MEMO1: variants seen among roughly 807,000 people sequenced by gnomAD.
The protein encoded by MEMO1 is protein MEMO1.
Under a neutral mutation model 45.2 loss-of-function variants are expected in MEMO1, and 6 were observed. The observed-to-expected ratio is 0.13, with a 90% CI of 0.07 to 0.26. MEMO1 has a LOEUF of 0.26. MEMO1 is among the 10% of genes least tolerant of loss of function. MEMO1 has a pLI of 1.00. For missense variants in MEMO1, 184 were observed against 370.5 expected, an observed-to-expected ratio of 0.50 and a Z score of 4.13; for synonymous variants, 78 against 124.3, an observed-to-expected ratio of 0.63 and a Z score of 2.48.
At chr2:31,952,698 T>C (rs1387007817) in intron 2 of MEMO1, among the ~76,000 whole-genome samples, 1 of 152,186 alleles carries the variant, frequency 6.6e-6, no homozygotes, top group African/African-American at 2.4e-5. Context: ...GATCAAAATA[T>C]TTATTTTTGC....
chr2:31,902,811 G>T (rs914936311), intron 6 of MEMO1, among the ~76,000 whole-genome samples: 3 of 151,826 alleles, frequency 2.0e-5, no homozygotes, highest in Non-Finnish European at 4.4e-5. Flanking sequence ...GAGTGCATTG[G>T]TGCCATCACA....
At chr2:31,990,606 G>A (rs1001213404) in intron 2 of MEMO1, among the ~76,000 whole-genome samples, 8 of 133,830 alleles carry the variant, frequency 6.0e-5, no homozygotes, top group African/African-American at 1.4e-4. Flanking sequence ...GACAAATTTC[G>A]CCATGTTGCC....
chr2:31,931,310 A>G (rs1664138662), intron 4 of MEMO1, among the ~76,000 whole-genome samples: 1 of 152,198 alleles, frequency 6.6e-6, no homozygotes, highest in Non-Finnish European at 1.5e-5. Context: ...TTTCTTTTGA[A>G]TAACTATCCT....
At chr2:31,889,756 C>T (rs963479426) in intron 7 of MEMO1, among the ~76,000 whole-genome samples, 1 of 152,010 alleles carries the variant, frequency 6.6e-6, no homozygotes, top group Non-Finnish European at 1.5e-5. Flanking sequence ...TAGCACGGTG[C>T]TTTCCATAAG....
At chr2:31,936,253 C>T (rs571860065) in intron 3 of MEMO1, among the ~76,000 whole-genome samples, 6 of 152,284 alleles carry the variant, frequency 3.9e-5, no homozygotes, top group Admixed American at 3.3e-4. Flanking sequence ...TGAGCCACCG[C>T]GCCTGGCCTG....
At chr2:32,005,980 A>G (rs1273201996) in intron 2 of MEMO1, among the ~76,000 whole-genome samples, 1 of 152,240 alleles carries the variant, frequency 6.6e-6, no homozygotes, top group Non-Finnish European at 1.5e-5. Flanking sequence ...ATCCCAACAA[A>G]GAATATTTCA....
At chr2:31,871,094 G>C (rs1244319038) in intron 8 of MEMO1, among the ~76,000 whole-genome samples, 1 of 152,036 alleles carries the variant, frequency 6.6e-6, no homozygotes, top group Non-Finnish European at 1.5e-5. Flanking sequence ...CATTAATATA[G>C]AGCAACTTTA....
intron 2 of MEMO1, among the ~76,000 whole-genome samples, chr2:31,986,762 GAAA>G (rs1671310678): frequency 2.0e-5 from 3 of 152,062 alleles, no homozygotes; most frequent in Non-Finnish European, 4.4e-5. Flanking sequence ...CACTATAAAA[GAAA>G]CAAACAGAAA....
intron 2 of MEMO1, among the ~76,000 whole-genome samples, chr2:31,956,988 A>C (rs978929584): frequency 2.0e-5 from 3 of 152,082 alleles, no homozygotes; most frequent in Non-Finnish European, 2.9e-5. Flanking sequence ...CTAAAAATAC[A>C]AAAATTAACT....
intron 6 of MEMO1, among the ~76,000 whole-genome samples, chr2:31,901,908 C>CA (rs879646166): frequency 9.5e-4 from 124 of 130,046 alleles, no homozygotes; most frequent in South Asian, 1.7e-3. Context: ...GACTTCATCT[C>CA]AAAAAAAAAA....
intron 2 of MEMO1, among the ~76,000 whole-genome samples, chr2:31,978,305 T>C (rs1454010993): frequency 6.6e-6 from 1 of 152,028 alleles, no homozygotes; most frequent in Non-Finnish European, 1.5e-5. Context: ...GAGAATCACT[T>C]GAACCCAGGA....
At chr2:31,879,998 C>T (rs2147924565) in intron 8 of MEMO1, among the ~76,000 whole-genome samples, 1 of 152,276 alleles carries the variant, frequency 6.6e-6, no homozygotes, top group East Asian at 1.9e-4. Context: ...CCTAATTAAT[C>T]CCTAAAGTCC....
At chr2:31,904,191 T>G (rs1268435014) in intron 6 of MEMO1, among the ~76,000 whole-genome samples, 1 of 152,258 alleles carries the variant, frequency 6.6e-6, no homozygotes, top group Non-Finnish European at 1.5e-5. Context: ...AGGGCCTGTT[T>G]GTAAGACTGG....
Position 31,883,372 on chromosome 2 carries a change from C to G in MEMO1, c.657+14G>C. The G allele has an allele frequency of 6.5e-7, 1 of 1,548,948 alleles. No homozygotes were observed. Among genetic ancestry groups the G allele is most frequent in the South Asian group, 1.2e-5 (1 of 81,478 alleles). ...AGCCTTAGAGCATTAAAATCCCACA[C>G]CTGAAAGACTTACCATTTTATCTAG... On this transcript the variant is annotated intron_variant, in intron 8 of 9. Coordinates refer to ENST00000404530, the MANE Select transcript of MEMO1 (RefSeq NM_001301833.4).
chr2:32,003,840 C>A (rs1404701575), intron 2 of MEMO1, among the ~76,000 whole-genome samples: 1 of 152,066 alleles, frequency 6.6e-6, no homozygotes, highest in Non-Finnish European at 1.5e-5. Flanking sequence ...CTGCTTGAGA[C>A]CAGGAGTTTG....
chr2:31,905,735 T>A (rs978236140), intron 6 of MEMO1, among the ~76,000 whole-genome samples: 4 of 152,194 alleles, frequency 2.6e-5, no homozygotes, highest in African/African-American at 9.6e-5. Flanking sequence ...TTCTCTTCAA[T>A]TCATCTTAAC....
chr2:31,942,121 T>A (rs998665769), intron 3 of MEMO1, among the ~76,000 whole-genome samples: 1 of 152,184 alleles, frequency 6.6e-6, no homozygotes, highest in African/African-American at 2.4e-5. Context: ...AAATCAAAAT[T>A]AACTGAATTC....
chr2:31,905,466 AG>A (rs1172814394), intron 6 of MEMO1, among the ~76,000 whole-genome samples: 1 of 152,180 alleles, frequency 6.6e-6, no homozygotes, highest in Non-Finnish European at 1.5e-5. Context: ...ATGATAAGAA[AG>A]TTTTTCTAAG....
intron 4 of MEMO1, among the ~76,000 whole-genome samples, chr2:31,927,751 ACT>A (rs1683321901): frequency 6.6e-6 from 1 of 150,994 alleles, no homozygotes; most frequent in African/African-American, 2.4e-5. Flanking sequence ...TAATTTGTTT[ACT>A]TTTTTAAATA....
Sources: gnomAD v4.1 joint callset for allele counts (sites outside exome capture counted in the v4.1 genomes callset) on GRCh38, gnomAD v4.1.1 for gene constraint, MANE v1.5 for transcripts, NCBI Gene and HGNC (gene_info 2026-07-23, HGNC 2026-07-21) for gene names.